Variants in SLC44A5 observed in about 807,000 individuals in gnomAD.
SLC44A5 encodes the protein choline transporter-like protein 5.
A neutral mutation model predicts 101.8 loss-of-function variants in SLC44A5; 57 were observed. That is an observed-to-expected ratio of 0.56 (90% CI 0.45 to 0.70). SLC44A5 has a LOEUF of 0.70. SLC44A5 is among the 30% of genes least tolerant of loss of function. The pLI is 0.00. For missense variants in SLC44A5, 737 were observed against 853.1 expected (o/e 0.86, Z 1.70); for synonymous variants, 281 against 290.9 (o/e 0.97, Z 0.35).
At chr1:75,719,843 CAATGA>C in the SLC44A5 span, among the ~76,000 whole-genome samples, 1 of 152,064 alleles carries the variant, frequency 6.6e-6, no homozygotes, top group African/African-American at 2.4e-5. Context: ...AGTATGTTGG[CAATGA>C]GAAACCAATA....
At chr1:75,390,802 C>T (rs1019326255) in intron 3 of SLC44A5, among the ~76,000 whole-genome samples, 1 of 152,158 alleles carries the variant, frequency 6.6e-6, no homozygotes, top group Non-Finnish European at 1.5e-5. Flanking sequence ...GATCCTCACT[C>T]TCACCACTCC....
intron 3 of SLC44A5, among the ~76,000 whole-genome samples, chr1:75,375,896 G>A (rs1660552547): frequency 6.6e-6 from 1 of 152,166 alleles, no homozygotes; most frequent in East Asian, 1.9e-4. Context: ...CACAGAAGAT[G>A]GGTGATTTCT....
At chr1:75,658,306 G>A in the SLC44A5 span, among the ~76,000 whole-genome samples, 13 of 151,912 alleles carry the variant, frequency 8.6e-5, no homozygotes, top group African/African-American at 3.1e-4. Flanking sequence ...GAACTCCTTG[G>A]CTCAAGCAAT....
At chr1:75,464,221 C>CAAAAAAAA (rs57630961) in intron 2 of SLC44A5, among the ~76,000 whole-genome samples, 3 of 52,182 alleles carry the variant, frequency 5.7e-5, no homozygotes, top group African/African-American at 1.5e-4. Flanking sequence ...GACTCTGTCT[C>CAAAAAAAA]AAAAAAAAAA....
chr1:75,331,095 G>A (rs945846726), intron 4 of SLC44A5, among the ~76,000 whole-genome samples: 9 of 151,522 alleles, frequency 5.9e-5, no homozygotes, highest in African/African-American at 2.2e-4. Context: ...TTTGAGTCTG[G>A]AGTGTTGTTC....
At chr1:75,217,780 C>A in intron 18 of SLC44A5, 86 bp downstream of exon 18, 1 of 851,726 alleles carries the variant, frequency 1.2e-6, no homozygotes, top group East Asian at 2.5e-5. Context: ...CCTTACTACC[C>A]TAGTCCAAGT....
intron 6 of SLC44A5, among the ~76,000 whole-genome samples, chr1:75,269,287 A>G (rs1651261644): frequency 6.6e-6 from 1 of 151,802 alleles, no homozygotes; most frequent in Admixed American, 6.6e-5. Context: ...TTTGATTTTG[A>G]AGAACAGCTC....
At chr1:75,612,771 T>C (rs147276528), upstream of SLC44A5, among the ~76,000 whole-genome samples, 7 of 151,092 alleles carry the variant, frequency 4.6e-5, no homozygotes, top group African/African-American at 1.7e-4. Context: ...GTTTTACACT[T>C]AAGTAATTGA....
At chr1:75,380,638 G>A (rs1330127904) in intron 3 of SLC44A5, among the ~76,000 whole-genome samples, 1 of 82,592 alleles carries the variant, frequency 1.2e-5, no homozygotes, top group Non-Finnish European at 2.1e-5. Context: ...AATAGGTAAG[G>A]TGATAACGTG....
the SLC44A5 span, among the ~76,000 whole-genome samples, chr1:75,665,998 G>C: frequency 2.0e-5 from 3 of 152,128 alleles, no homozygotes; most frequent in African/African-American, 7.2e-5. Flanking sequence ...CAGAAAAAAA[G>C]GGAATGCTTA....
chr1:75,704,173 G>A, the SLC44A5 span, among the ~76,000 whole-genome samples: 3 of 152,094 alleles, frequency 2.0e-5, no homozygotes, highest in South Asian at 6.2e-4. Flanking sequence ...GCTCTTTCTG[G>A]AAAGTAACAA....
intron 13 of SLC44A5, among the ~76,000 whole-genome samples, chr1:75,225,489 AT>A (rs1350329973): frequency 2.0e-5 from 3 of 152,220 alleles, no homozygotes; most frequent in African/African-American, 4.8e-5. Flanking sequence ...CTATAGAGTC[AT>A]TAGTATAACT....
the SLC44A5 span, among the ~76,000 whole-genome samples, chr1:75,671,392 T>C: frequency 1.5e-4 from 23 of 151,792 alleles, no homozygotes; most frequent in African/African-American, 5.1e-4. Context: ...CATCATAAAA[T>C]ACAGAAAATA....
chr1:75,507,376 C>T (rs149972881), intron 2 of SLC44A5, among the ~76,000 whole-genome samples: 3 of 152,078 alleles, frequency 2.0e-5, no homozygotes, highest in Admixed American at 2.0e-4. Flanking sequence ...GTTGAACTGA[C>T]CTTGCATCCC....
At chr1:75,646,025 G>A in the SLC44A5 span, among the ~76,000 whole-genome samples, 1 of 134,344 alleles carries the variant, frequency 7.4e-6, no homozygotes, top group African/African-American at 2.5e-5. Flanking sequence ...TGCTGTTTTG[G>A]TTACTGTAGC....
chr1:75,527,262 G>C (rs1343005983), intron 2 of SLC44A5, among the ~76,000 whole-genome samples: 1 of 144,306 alleles, frequency 6.9e-6, no homozygotes, highest in Non-Finnish European at 1.5e-5. Context: ...AGGAAAGAGA[G>C]AGAAAGTTAG....
At chr1:75,520,587 T>G (rs1670062308) in intron 2 of SLC44A5, among the ~76,000 whole-genome samples, 1 of 151,268 alleles carries the variant, frequency 6.6e-6, no homozygotes, top group African/African-American at 2.4e-5. Context: ...AGGGGAAAGG[T>G]GGGTAAGAAG....
At chr1:75,362,282 C>T (rs775538365) in intron 3 of SLC44A5, among the ~76,000 whole-genome samples, 3 of 151,432 alleles carry the variant, frequency 2.0e-5, no homozygotes, top group Non-Finnish European at 3.0e-5. Context: ...TTTCTAGTCT[C>T]GCATTTATTT....
intron 2 of SLC44A5, among the ~76,000 whole-genome samples, chr1:75,461,213 T>C (rs1451458220): frequency 6.6e-6 from 1 of 152,216 alleles, no homozygotes; most frequent in Non-Finnish European, 1.5e-5. Context: ...TCTCTGATGA[T>C]CAAATTAATT....
Sources: gnomAD v4.1 joint callset for allele counts (sites outside exome capture counted in the v4.1 genomes callset) on GRCh38, gnomAD v4.1.1 for gene constraint, MANE v1.5 for transcripts, NCBI Gene and HGNC (gene_info 2026-07-23, HGNC 2026-07-21) for gene names.